ZNF48: variants seen among roughly 807,000 people sequenced by gnomAD.
ZNF48 encodes zinc finger protein 48.
A neutral mutation model predicts 40.0 loss-of-function variants in ZNF48; 20 were observed. The observed-to-expected ratio is 0.50, with a 90% confidence interval of 0.35 to 0.73. The LOEUF is 0.73. ZNF48 is among the 30% of genes least tolerant of loss of function. The pLI is 0.01. For missense variants in ZNF48, 726 were observed against 851.9 expected (o/e 0.85, Z 1.84); for synonymous variants, 298 against 329.7 (o/e 0.90, Z 1.04).
upstream of ZNF48, among the ~76,000 whole-genome samples, chr16:30,394,030 C>CT (rs761579523): frequency 5.6e-3 from 807 of 143,200 alleles, 3 homozygotes; most frequent in East Asian, 0.014. Context: ...TTCTCTCTCT[C>CT]TTTTTTTTTT....
At position 30,381,139 on chromosome 16, in the gene ZNF48, G is replaced by A; in HGVS notation, c.-16+2729G>A. On this transcript the variant is annotated intron_variant, in intron 1 of 2. Transcript: ENST00000528032. This position sits in a 1 kb window ranked among gnomAD's most constrained non-coding sequence, Gnocchi z 4.3. ...TCATCACTCACACCTTCTGCTTGAG[G>A]GCCTGGGTTTCCTGGGGCATCAGAG... The A allele has an allele frequency of 1.9e-6, 3 of 1,613,644 alleles. No homozygotes were observed. Among genetic ancestry groups the A allele is most frequent in the Non-Finnish European group, 2.5e-6 (3 of 1,179,594 alleles).
At chr16:30,393,489 A>T (rs59594717), upstream of ZNF48, among the ~76,000 whole-genome samples, 851 of 150,526 alleles carry the variant, frequency 5.7e-3, 9 homozygotes, top group African/African-American at 0.02. Flanking sequence ...GGTTCAAGTG[A>T]TACTCCTGCC....
intron 1 of ZNF48, chr16:30,380,336 C>T (rs1447361828): frequency 6.0e-6 from 1 of 167,566 alleles, no homozygotes; most frequent in African/African-American, 2.4e-5. Flanking sequence ...AGGTTTCACT[C>T]TATCACCCAG....
At chr16:30,393,636 C>T (rs1308114439), upstream of ZNF48, among the ~76,000 whole-genome samples, 4 of 152,150 alleles carry the variant, frequency 2.6e-5, no homozygotes, top group Non-Finnish European at 4.4e-5. Context: ...TCACCTGCCT[C>T]GGCCTCCCAA....
intron 1 of ZNF48, among the ~76,000 whole-genome samples, chr16:30,385,037 G>A (rs1035850343): frequency 5.3e-5 from 8 of 152,126 alleles, no homozygotes; most frequent in East Asian, 1.9e-4. Flanking sequence ...TTAGCAGGGC[G>A]TGATGGCGCA....
At position 30,398,090 on chromosome 16, in the gene ZNF48, C is replaced by T. The variant is rs577857291; in HGVS notation, c.840C>T (p.Cys280=). Residue 280 remains cysteine (C), a synonymous_variant, in exon 3 of 3, where the codon TGC becomes TGT. Transcript: ENST00000613509. The surrounding 1 kb of genome is among the most constrained non-coding windows in gnomAD (Gnocchi z 6.6). ...AQDKPYICTD[C]GKRFVLSCSL... ...ACAAGCCATATATCTGCACTGATTGCGGCAAGAGGTTTGTGCTCAGCTGCA... is the reference window on the plus strand; with the variant it reads ...ACAAGCCATATATCTGCACTGATTGTGGCAAGAGGTTTGTGCTCAGCTGCA... 9.0e-5 allele frequency: 145 copies of T among 1,613,088 alleles called. No homozygotes were observed. In the South Asian group the frequency reaches 1.3e-3, roughly 15 times the overall value.
At chr16:30,378,358 G>T in exon 1 of ZNF48, 3 of 1,364,252 alleles carry the variant, frequency 2.2e-6, no homozygotes, top group South Asian at 2.7e-5. Flanking sequence ...GGGGGCGCTG[G>T]GCAGTGTGGG....
chr16:30,379,582 CT>C lies in ZNF48; in HGVS notation c.-16+1175del, dbSNP rs554529920. On this transcript the variant is annotated intron_variant, in intron 1 of 2. Coordinates refer to the ZNF48 transcript ENST00000528032. ...TCACCATTGGCTCACACGGCAGAAACTTTCTCTTTCCCAGCTTCAATCTCCA... is the reference window on the plus strand; with the variant it reads ...TCACCATTGGCTCACACGGCAGAAACTTCTCTTTCCCAGCTTCAATCTCCA... 8.0e-4 allele frequency: 1,090 copies of C among 1,369,280 alleles called. 1 individual carries two copies. Among genetic ancestry groups the C allele is most frequent in the Non-Finnish European group, 1.0e-3 (985 of 973,658 alleles). 84.8% of individuals were successfully genotyped at this position (1,369,280 alleles called of 1,614,324 possible). A position where few individuals can be genotyped will look rare whatever the true frequency, so the allele number is the denominator to read the frequency against.
intron 2 of ZNF48, among the ~76,000 whole-genome samples, chr16:30,396,560 G>A (rs1007609473): frequency 3.9e-5 from 6 of 152,010 alleles, no homozygotes; most frequent in African/African-American, 9.7e-5. Flanking sequence ...ATAAATTACC[G>A]AATGGGCTAA....
At chr16:30,379,200 G>A in intron 1 of ZNF48, 1 of 1,613,328 alleles carries the variant, frequency 6.2e-7, no homozygotes, top group Non-Finnish European at 8.5e-7. Flanking sequence ...GGGGGGCGGC[G>A]CGGACCAGCG....
upstream of ZNF48, among the ~76,000 whole-genome samples, chr16:30,393,113 G>C (rs1312916068): frequency 1.3e-5 from 2 of 149,926 alleles, no homozygotes; most frequent in African/African-American, 2.5e-5. Flanking sequence ...TCTCGCTCTT[G>C]TCCCCCAGGC....
intron 1 of ZNF48, chr16:30,379,360 C>A: frequency 2.0e-6 from 3 of 1,466,020 alleles, no homozygotes; most frequent in Non-Finnish European, 2.9e-6. Flanking sequence ...ACCCCAACTT[C>A]ACATGTTGAG....
intron 1 of ZNF48, among the ~76,000 whole-genome samples, chr16:30,384,694 T>C (rs996498522): frequency 2.0e-5 from 3 of 151,352 alleles, no homozygotes; most frequent in South Asian, 4.2e-4. Flanking sequence ...CTGGCCAACA[T>C]GGTGAAACCC....
chr16:30,395,800 G>T lies in ZNF48; in HGVS notation c.6G>T (p.Glu2Asp), dbSNP rs371051667. Residue 2 changes from glutamate to aspartate, a missense_variant, in exon 2 of 3, where the codon GAG (glutamate) becomes GAT (aspartate). Physicochemically the swap from Glu to Asp is conservative, Grantham distance 45. Coordinates refer to ENST00000613509, the MANE Select transcript of ZNF48 (RefSeq NM_001214909.2). This position sits in a 1 kb window ranked among gnomAD's most constrained non-coding sequence, Gnocchi z 5.9. M[E>D]RAVEPWGPDL... is the part of the protein sequence containing the mutation. ...CTCAGGGCGGCGTGCCGGCGATGGA[G>T]CGCGCGGTAGAGCCTTGGGGCCCAG... is the stretch of plus-strand genomic sequence containing the variant. 1.9e-6 allele frequency: 3 copies of T among 1,541,580 alleles called. No homozygotes were observed. Among genetic ancestry groups the T allele is most frequent in the African/African-American group, 1.4e-5 (1 of 72,934 alleles).
chr16:30,384,905 G>A (rs908390843), intron 1 of ZNF48, among the ~76,000 whole-genome samples: 2 of 151,880 alleles, frequency 1.3e-5, no homozygotes, highest in East Asian at 1.9e-4. Context: ...GGCCAGGCGC[G>A]GTGGCTCATG....
At chr16:30,379,077 G>A in intron 1 of ZNF48, 1 of 1,614,084 alleles carries the variant, frequency 6.2e-7, no homozygotes, top group African/African-American at 1.3e-5. Flanking sequence ...AGCGGGCCCG[G>A]TAGCCCTCGT....
rs1180365206 is a variant in ZNF48 at position 30,382,192 on chromosome 16, C to T, written c.-16+3782C>T. ...AGGCCTGACTCCCCTGTGGACAGAA[C>T]AGGCCCAACTGGTCAGGGGAGGGGA... is the stretch of plus-strand genomic sequence containing the variant. On this transcript the variant is annotated intron_variant, in intron 1 of 2. Coordinates refer to the ZNF48 transcript ENST00000528032. This position sits in a 1 kb window ranked among gnomAD's most constrained non-coding sequence, Gnocchi z 4.8. The T allele has an allele frequency of 1.2e-6, 2 of 1,612,410 alleles. No individual in the cohort carries two copies. Among genetic ancestry groups the T allele is most frequent in the East Asian group, 2.2e-5 (1 of 44,808 alleles).
chr16:30,388,983 G>A (rs1406968377), intron 1 of ZNF48, among the ~76,000 whole-genome samples: 1 of 150,450 alleles, frequency 6.6e-6, no homozygotes, highest in Non-Finnish European at 1.5e-5. Context: ...TCTTGTGGCC[G>A]GGTGTGGTGG....
intron 1 of ZNF48, among the ~76,000 whole-genome samples, chr16:30,387,978 T>C (rs1279754446): frequency 6.6e-6 from 1 of 151,222 alleles, no homozygotes; most frequent in Non-Finnish European, 1.5e-5. Context: ...TTTTTTTTCT[T>C]TTTTGGAGAG....
Sources: gnomAD v4.1 joint callset for allele counts (sites outside exome capture counted in the v4.1 genomes callset) on GRCh38, gnomAD v4.1.1 for gene constraint, Gnocchi (gnomAD v3.1) non-coding constraint, MANE v1.5 for transcripts, NCBI Gene and HGNC (gene_info 2026-07-23, HGNC 2026-07-21) for gene names.